VAPA: variants seen among roughly 807,000 people sequenced by gnomAD.
VAPA encodes vesicle-associated membrane protein-associated protein A.
VAPA carries 6 observed loss-of-function variants against 25.6 expected under a neutral mutation model. That is an observed-to-expected ratio of 0.23 (90% CI 0.13 to 0.46). The LOEUF is 0.46. Ranked by LOEUF, VAPA falls within the 20% of genes least tolerant of loss-of-function variation. VAPA has a pLI of 0.99. For missense variants in VAPA, 244 were observed against 302.1 expected (o/e 0.81, Z 1.43); for synonymous variants, 112 against 106.2 (o/e 1.05, Z -0.34).
At chr18:9,922,281 T>A (rs895370138) in intron 1 of VAPA, among the ~76,000 whole-genome samples, 3 of 152,174 alleles carry the variant, frequency 2.0e-5, no homozygotes, top group African/African-American at 7.2e-5. Context: ...GCCTCAGTAT[T>A]TTTAAAACAA....
chr18:9,950,706 C>A, intron 5 of VAPA, 138 bp downstream of exon 5: 1 of 753,442 alleles, frequency 1.3e-6, no homozygotes, highest in Non-Finnish European at 2.1e-6. Flanking sequence ...CCTTTGCTCC[C>A]CACCCTACTC....
At chr18:9,920,340 T>TCACC (rs754012802) in intron 1 of VAPA, among the ~76,000 whole-genome samples, 107 of 152,358 alleles carry the variant, frequency 7.0e-4, no homozygotes, top group Middle Eastern at 3.4e-3. Context: ...TCTCGCTTTG[T>TCACC]CACCCATGGT....
chr18:9,935,129 T>A (rs1451688008), intron 2 of VAPA, among the ~76,000 whole-genome samples: 1 of 150,898 alleles, frequency 6.6e-6, no homozygotes, highest in Non-Finnish European at 1.5e-5. Flanking sequence ...AAATTTTGAA[T>A]GTTATTGAGA....
At chr18:9,915,770 A>G (rs776918930) in intron 1 of VAPA, 2 of 152,246 alleles carry the variant, frequency 1.3e-5, no homozygotes, top group Non-Finnish European at 2.9e-5. Context: ...CAAGCTTTTT[A>G]GTGCGTTTAC....
At chr18:9,947,483 A>T (rs761780619) in intron 4 of VAPA, 2 of 152,254 alleles carry the variant, frequency 1.3e-5, no homozygotes, top group Non-Finnish European at 2.9e-5. Flanking sequence ...ACATGACTGG[A>T]CAACTCAGAT....
chr18:9,918,480 C>T (rs546660943), intron 1 of VAPA, among the ~76,000 whole-genome samples: 14 of 152,152 alleles, frequency 9.2e-5, no homozygotes, highest in Non-Finnish European at 8.8e-5. Flanking sequence ...TTTTATCTTA[C>T]TTGACCTCCC....
intron 2 of VAPA, among the ~76,000 whole-genome samples, chr18:9,935,122 T>A (rs2069295646): frequency 6.7e-6 from 1 of 149,938 alleles, no homozygotes; most frequent in South Asian, 2.1e-4. Flanking sequence ...AACTTAAAAA[T>A]TTTGAATGTT....
chr18:9,949,111 A>T (rs1314437278), intron 4 of VAPA: 1 of 152,224 alleles, frequency 6.6e-6, no homozygotes. Context: ...AAGTATTGGC[A>T]GGGTAAAATA....
Position 9,936,209 on chromosome 18 carries a change from C to T in VAPA, c.332C>T (p.Ala111Val), listed in dbSNP as rs745482720. The change falls in exon 3 of 6, where the codon GCT (alanine) becomes GTT (valine). Residue 111 changes from alanine (A) to valine (V), a missense_variant. Transcript: ENST00000400000. ...FAPPNTSDME[A>V]VWKEAKPDEL... is the part of the protein sequence containing the mutation. ...CCACCAAACACTTCAGATATGGAAGCTGTGGTAAGTATAGAAGAAGAATTT... is the reference window on the plus strand; with the variant it reads ...CCACCAAACACTTCAGATATGGAAGTTGTGGTAAGTATAGAAGAAGAATTT... 6.3e-7 allele frequency: 1 copy of T among 1,593,364 alleles called. No individual in the cohort carries two copies. The highest frequency in any genetic ancestry group is 8.6e-7 in the Non-Finnish European group (1 of 1,168,372).
intron 1 of VAPA, among the ~76,000 whole-genome samples, chr18:9,924,385 A>G (rs937118706): frequency 6.6e-6 from 1 of 152,176 alleles, no homozygotes; most frequent in Non-Finnish European, 1.5e-5. Flanking sequence ...TTCTTTTACA[A>G]ATAATTTACG....
intron 4 of VAPA, among the ~76,000 whole-genome samples, chr18:9,942,259 G>A (rs769693858): frequency 6.6e-6 from 1 of 152,076 alleles, no homozygotes. Flanking sequence ...CCTCAGATAA[G>A]CACCATTTTT....
intron 2 of VAPA, among the ~76,000 whole-genome samples, chr18:9,935,587 A>C (rs941657986): frequency 6.6e-6 from 1 of 152,208 alleles, no homozygotes; most frequent in Non-Finnish European, 1.5e-5. Context: ...TTTAAAAAAC[A>C]AAAAACAGAT....
intron 1 of VAPA, among the ~76,000 whole-genome samples, chr18:9,918,082 C>T (rs147664207): frequency 6.6e-6 from 1 of 152,146 alleles, no homozygotes; most frequent in Non-Finnish European, 1.5e-5. Flanking sequence ...TGTACACATC[C>T]ATACTTTCTT....
chr18:9,945,172 T>C, intron 4 of VAPA: 1 of 1,204,778 alleles, frequency 8.3e-7, no homozygotes, highest in East Asian at 2.4e-5. Flanking sequence ...GTAGATAGAA[T>C]TGAACTATGC....
At chr18:9,937,922 C>T (rs535633387) in intron 4 of VAPA, among the ~76,000 whole-genome samples, 1 of 152,182 alleles carries the variant, frequency 6.6e-6, no homozygotes, top group South Asian at 2.1e-4. Flanking sequence ...TCAGGATAAG[C>T]AGAAATGAAA....
intron 4 of VAPA, among the ~76,000 whole-genome samples, chr18:9,946,326 C>G (rs2069423034): frequency 6.6e-6 from 1 of 152,130 alleles, no homozygotes; most frequent in Non-Finnish European, 1.5e-5. Context: ...GGCTGTACTA[C>G]AATGGTAAGT....
intron 4 of VAPA, among the ~76,000 whole-genome samples, chr18:9,945,407 C>G (rs1025503748): frequency 8.7e-6 from 1 of 115,420 alleles, no homozygotes; most frequent in Non-Finnish European, 1.6e-5. Context: ...GTCACCCAGG[C>G]TGGAGTGCAT....
At chr18:9,925,673 C>G (rs2069194758) in intron 1 of VAPA, among the ~76,000 whole-genome samples, 1 of 151,932 alleles carries the variant, frequency 6.6e-6, no homozygotes, top group Non-Finnish European at 1.5e-5. Context: ...AGGGTAAATT[C>G]AAGTGACATC....
intron 2 of VAPA, among the ~76,000 whole-genome samples, chr18:9,933,330 C>G (rs532540055): frequency 6.6e-6 from 1 of 152,060 alleles, no homozygotes; most frequent in South Asian, 2.1e-4. Flanking sequence ...GCAGGTATAG[C>G]CAAAAACCTC....
Sources: gnomAD v4.1 joint callset for allele counts (sites outside exome capture counted in the v4.1 genomes callset) on GRCh38, gnomAD v4.1.1 for gene constraint, MANE v1.5 for transcripts, NCBI Gene and HGNC (gene_info 2026-07-23, HGNC 2026-07-21) for gene names.